Variants in PSD3 observed in about 807,000 individuals in gnomAD.
PSD3 encodes the protein pleckstrin and Sec7 domain containing 3.
PSD3 carries 49 observed loss-of-function variants against 105.5 expected under a neutral mutation model. The observed-to-expected ratio is 0.46, with a 90% CI of 0.37 to 0.59. The LOEUF (loss-of-function observed/expected upper bound fraction) is 0.59. Among genes scored for constraint, PSD3 ranks in the 20% least tolerant of loss-of-function variants. PSD3 has a pLI of 0.00. For synonymous variants in PSD3, 557 were observed against 457.8 expected, an observed-to-expected ratio of 1.22 and a Z score of -2.77; for missense variants, 1,561 against 1,263.8, an observed-to-expected ratio of 1.24 and a Z score of -3.57.
At chr8:18,561,841 C>T (rs377203779) in intron 14 of PSD3, among the ~76,000 whole-genome samples, 1 of 152,132 alleles carries the variant, frequency 6.6e-6, no homozygotes, top group Non-Finnish European at 1.5e-5. Context: ...GGCAACTTGG[C>T]TGTTGAAGAT....
chr8:18,944,357 G>A (rs1397481765), intron 1 of PSD3, among the ~76,000 whole-genome samples: 1 of 152,154 alleles, frequency 6.6e-6, no homozygotes, highest in Non-Finnish European at 1.5e-5. Context: ...ATGACCGGAG[G>A]TCAGGAGTTT....
intron 1 of PSD3, among the ~76,000 whole-genome samples, chr8:19,008,844 C>A (rs751411280): frequency 6.6e-6 from 1 of 152,106 alleles, no homozygotes; most frequent in Non-Finnish European, 1.5e-5. Context: ...CGGCTCATTC[C>A]CCATCCTCCT....
At chr8:18,954,342 A>G (rs2129470249) in intron 1 of PSD3, among the ~76,000 whole-genome samples, 1 of 152,054 alleles carries the variant, frequency 6.6e-6, no homozygotes, top group African/African-American at 2.4e-5. Flanking sequence ...ATGAGAATGT[A>G]CTCATGAATT....
chr8:18,641,974 T>C (rs1807679679), intron 10 of PSD3, among the ~76,000 whole-genome samples: 2 of 152,180 alleles, frequency 1.3e-5, no homozygotes, highest in South Asian at 4.1e-4. Flanking sequence ...TTCTATTCTC[T>C]AAAAATACCT....
Position 18,622,014 on chromosome 8 carries a change from G to C in PSD3, c.2410+10599C>G, listed in dbSNP as rs998337456. On this transcript the variant is annotated intron_variant, in intron 11 of 15. Transcript: ENST00000327040. Reference sequence around the variant, plus strand: ...TAAATTTTCTAAACTTTTGATGACAGGCAGGTGTGTAAATCCCTCTAAAGT... The same window carrying C: ...TAAATTTTCTAAACTTTTGATGACACGCAGGTGTGTAAATCCCTCTAAAGT... Among the ~76,000 whole-genome samples the C allele has an allele frequency of 2.0e-5, 3 of 152,050 alleles. No individual in the cohort carries two copies. The East Asian group carries it at 5.8e-4, about 29-fold the overall frequency.
intron 4 of PSD3, among the ~76,000 whole-genome samples, chr8:18,854,547 G>A (rs891541867): frequency 6.6e-6 from 1 of 152,184 alleles, no homozygotes; most frequent in Non-Finnish European, 1.5e-5. Flanking sequence ...GTCCAGCATC[G>A]TTCAAAACAA....
chr8:18,726,571 C>G (rs181838974), intron 9 of PSD3, among the ~76,000 whole-genome samples: 5 of 152,324 alleles, frequency 3.3e-5, no homozygotes, highest in Admixed American at 3.3e-4. Flanking sequence ...ATTCCCATGA[C>G]TTTAATTCAT....
At chr8:18,575,721 T>C (rs1802424998) in intron 12 of PSD3, among the ~76,000 whole-genome samples, 2 of 152,298 alleles carry the variant, frequency 1.3e-5, no homozygotes, top group East Asian at 1.9e-4. Flanking sequence ...ATAAAAACAA[T>C]GCCATTGTGT....
At chr8:18,664,127 G>T (rs1030235631) in intron 9 of PSD3, among the ~76,000 whole-genome samples, 2 of 152,082 alleles carry the variant, frequency 1.3e-5, no homozygotes, top group Non-Finnish European at 2.9e-5. Context: ...ATCCTGCAAT[G>T]GTCTCTAACT....
intron 4 of PSD3, among the ~76,000 whole-genome samples, chr8:18,823,341 G>A (rs1245983193): frequency 6.6e-6 from 1 of 152,126 alleles, no homozygotes; most frequent in East Asian, 1.9e-4. Context: ...AACTAGGGCT[G>A]ATAAAATAAA....
At position 18,993,391 on chromosome 8, in the gene PSD3, T is replaced by A. The variant is rs530976166; in HGVS notation, c.21+20172A>T. On this transcript the variant is annotated intron_variant, in intron 1 of 15. Transcript: ENST00000327040. ...GACACCCAGAATCCAATAAAATAAT[T>A]CTCAGAGTCTCATTGTTTCAGAGTA... Among the ~76,000 whole-genome samples the A allele has an allele frequency of 1.3e-5, 2 of 152,182 alleles. 1 individual carries two copies. Among genetic ancestry groups the A allele is most frequent in the South Asian group, 4.2e-4 (2 of 4,782 alleles).
chr8:18,545,739 T>C (rs1800416771), intron 15 of PSD3, among the ~76,000 whole-genome samples: 3 of 152,318 alleles, frequency 2.0e-5, no homozygotes, highest in African/African-American at 4.8e-5. Context: ...CTTCTGATTG[T>C]ACTGGAATTC....
intron 2 of PSD3, among the ~76,000 whole-genome samples, chr8:18,876,817 T>C (rs1817762996): frequency 6.6e-6 from 1 of 152,224 alleles, no homozygotes. Context: ...GCAAATGCAC[T>C]ATTTACATTC....
At chr8:18,909,520 C>T (rs1019568265) in intron 2 of PSD3, among the ~76,000 whole-genome samples, 1 of 152,132 alleles carries the variant, frequency 6.6e-6, no homozygotes, top group African/African-American at 2.4e-5. Flanking sequence ...TGCCCTGTCA[C>T]CCAGGCTGGA....
intron 15 of PSD3, among the ~76,000 whole-genome samples, chr8:18,550,189 G>A (rs1800678708): frequency 6.6e-6 from 1 of 152,294 alleles, no homozygotes; most frequent in South Asian, 2.1e-4. Flanking sequence ...ATGATTGGCT[G>A]CTTATTCTTC....
intron 1 of PSD3, among the ~76,000 whole-genome samples, chr8:19,067,937 T>C (rs1245315958): frequency 6.6e-6 from 1 of 152,202 alleles, no homozygotes; most frequent in Non-Finnish European, 1.5e-5. Flanking sequence ...GTGGGACCCT[T>C]GTGGGTACGA....
At chr8:18,845,452 C>T (rs1563338343) in intron 4 of PSD3, among the ~76,000 whole-genome samples, 1 of 152,196 alleles carries the variant, frequency 6.6e-6, no homozygotes, top group Non-Finnish European at 1.5e-5. Flanking sequence ...TCACTCGTCA[C>T]TTCCAGGTGC....
chr8:18,805,004 G>A, intron 4 of PSD3, 106 bp from the exon 5 acceptor site: 1 of 963,698 alleles, frequency 1.0e-6, no homozygotes. Flanking sequence ...GCTACACTTA[G>A]ATGAGATCAC....
At chr8:18,585,240 C>CTTAT in intron 12 of PSD3, among the ~76,000 whole-genome samples, 1 of 152,144 alleles carries the variant, frequency 6.6e-6, no homozygotes, top group Non-Finnish European at 1.5e-5. Context: ...AGGCCTAACT[C>CTTAT]TTAATCATTT....
Sources: gnomAD v4.1 joint callset for allele counts (sites outside exome capture counted in the v4.1 genomes callset) on GRCh38, gnomAD v4.1.1 for gene constraint, MANE v1.5 for transcripts, NCBI Gene and HGNC (gene_info 2026-07-23, HGNC 2026-07-21) for gene names.